COL4A1: variants seen among roughly 807,000 people sequenced by gnomAD.
COL4A1 encodes collagen alpha-1(IV) chain.
In COL4A1, 40 loss-of-function variants were observed where a neutral mutation model predicts 216.6. The observed-to-expected ratio is 0.18, with a 90% CI of 0.14 to 0.24. COL4A1 has a LOEUF of 0.24. Among genes scored for constraint, COL4A1 ranks in the 10% least tolerant of loss-of-function variants. COL4A1 has a pLI of 1.00. For synonymous variants in COL4A1, 839 were observed against 810.7 expected, an observed-to-expected ratio of 1.03 and a Z score of -0.59; for missense variants, 1,628 against 2,196.8, an observed-to-expected ratio of 0.74 and a Z score of 5.18.
intron 41 of COL4A1, among the ~76,000 whole-genome samples, 157 bp from the exon 42 acceptor site, chr13:110,170,889 C>T (rs1460041097): frequency 6.6e-6 from 1 of 152,208 alleles, no homozygotes; most frequent in Non-Finnish European, 1.5e-5. Flanking sequence ...GCAAGGGCTC[C>T]GATCCCTCCT....
intron 48 of COL4A1, 117 bp downstream of exon 48, chr13:110,162,113 G>T: frequency 2.1e-6 from 2 of 959,758 alleles, no homozygotes; most frequent in South Asian, 1.3e-5. Flanking sequence ...CCCTCATGGC[G>T]CAGTGTTTCA....
At chr13:110,278,114 C>T (rs1883495124) in intron 1 of COL4A1, among the ~76,000 whole-genome samples, 1 of 152,120 alleles carries the variant, frequency 6.6e-6, no homozygotes, top group African/African-American at 2.4e-5. Flanking sequence ...CTCGGAAGAA[C>T]TTAGTAAGTT....
intron 33 of COL4A1, among the ~76,000 whole-genome samples, chr13:110,177,604 A>T (rs557093089): frequency 2.0e-5 from 3 of 152,130 alleles, no homozygotes; most frequent in African/African-American, 7.2e-5. Flanking sequence ...CATCTGTGCC[A>T]AGAAGGAAAG....
intron 24 of COL4A1, among the ~76,000 whole-genome samples, chr13:110,190,293 A>G (rs1456566954): frequency 6.6e-6 from 1 of 152,152 alleles, no homozygotes; most frequent in East Asian, 1.9e-4. Flanking sequence ...TGAGGATTCA[A>G]CTACTGCCTG....
At chr13:110,295,247 T>C (rs953955131) in intron 1 of COL4A1, among the ~76,000 whole-genome samples, 1 of 147,052 alleles carries the variant, frequency 6.8e-6, no homozygotes, top group Non-Finnish European at 1.5e-5. Context: ...ACTACATGGT[T>C]TTCTTTCTTT....
At chr13:110,290,606 C>G (rs1884044546) in intron 1 of COL4A1, among the ~76,000 whole-genome samples, 1 of 152,168 alleles carries the variant, frequency 6.6e-6, no homozygotes, top group African/African-American at 2.4e-5. Flanking sequence ...GGGCACTCAC[C>G]CTGGAGTCAC....
intron 20 of COL4A1, among the ~76,000 whole-genome samples, chr13:110,199,807 G>A (rs1879092487): frequency 1.3e-5 from 2 of 152,210 alleles, no homozygotes; most frequent in Non-Finnish European, 1.5e-5. Context: ...ATAAAAGGCT[G>A]TAGACAGTAA....
At chr13:110,166,753 A>C (rs1223653508) in intron 44 of COL4A1, among the ~76,000 whole-genome samples, 1 of 152,224 alleles carries the variant, frequency 6.6e-6, no homozygotes, top group Non-Finnish European at 1.5e-5. Flanking sequence ...ACATGTCCCC[A>C]GTTGGACCAC....
intron 51 of COL4A1, among the ~76,000 whole-genome samples, chr13:110,150,858 A>C (rs1876470097): frequency 6.6e-6 from 1 of 152,230 alleles, no homozygotes; most frequent in Admixed American, 6.5e-5. Flanking sequence ...CTTCTCTGCA[A>C]CACTTTACAC....
intron 1 of COL4A1, among the ~76,000 whole-genome samples, chr13:110,278,406 C>A (rs945398013): frequency 6.6e-6 from 1 of 152,124 alleles, no homozygotes; most frequent in African/African-American, 2.4e-5. Flanking sequence ...GAAATACCTG[C>A]GTATTTTCCC....
At chr13:110,162,786 C>G (rs1163893046) in intron 47 of COL4A1, among the ~76,000 whole-genome samples, 1 of 152,246 alleles carries the variant, frequency 6.6e-6, no homozygotes, top group African/African-American at 2.4e-5. Context: ...TGACGTGACT[C>G]TGTGCATGTC....
chr13:110,153,710 T>C (rs1876622938), intron 50 of COL4A1, among the ~76,000 whole-genome samples: 1 of 152,222 alleles, frequency 6.6e-6, no homozygotes, highest in Non-Finnish European at 1.5e-5. Context: ...AATCTGGTGG[T>C]TGCAACATGA....
chr13:110,150,309 A>G lies in COL4A1; in HGVS notation c.*54T>C. ...ATATTTCTAGGGTTCGTTGCTGTTA[A>G]CAAAAAGAAGAAGAAGTAGCACCAT... On this transcript the variant is annotated 3_prime_UTR_variant, in exon 52 of 52. Transcript: ENST00000375820. 6.5e-7 allele frequency: 1 copy of G among 1,538,766 alleles called. No individual in the cohort carries two copies. Among genetic ancestry groups the G allele is most frequent in the Non-Finnish European group, 8.9e-7 (1 of 1,120,940 alleles).
At chr13:110,285,672 C>T (rs1165962447) in intron 1 of COL4A1, among the ~76,000 whole-genome samples, 2 of 152,108 alleles carry the variant, frequency 1.3e-5, no homozygotes, top group East Asian at 3.9e-4. Context: ...CATTGAGAGC[C>T]TGAACAAAAC....
chr13:110,235,220 C>T (rs902649975), intron 2 of COL4A1, among the ~76,000 whole-genome samples: 4 of 152,212 alleles, frequency 2.6e-5, no homozygotes, highest in African/African-American at 9.6e-5. Context: ...TTCAAAGAGT[C>T]TACACAAAAA....
intron 1 of COL4A1, among the ~76,000 whole-genome samples, chr13:110,280,326 C>T (rs1192335197): frequency 1.3e-5 from 2 of 152,196 alleles, no homozygotes; most frequent in African/African-American, 4.8e-5. Context: ...GCCTATTACC[C>T]AGCAATAGTC....
chr13:110,180,547 C>T lies in COL4A1; in HGVS notation c.2193+745G>A, dbSNP rs868816997. On this transcript the variant is annotated intron_variant, in intron 29 of 51. Coordinates refer to ENST00000375820, the MANE Select transcript of COL4A1 (RefSeq NM_001845.6). ...GTTTATCGATGGCCGTTGGCCCTTTCTCCCGTTTGGTACCAATGCCTTCTG... is the reference window on the plus strand; with the variant it reads ...GTTTATCGATGGCCGTTGGCCCTTTTTCCCGTTTGGTACCAATGCCTTCTG... 2.3e-4 allele frequency among the ~76,000 whole-genome samples: 35 copies of T among 152,392 alleles called. 1 individual carries two copies. Among genetic ancestry groups the T allele is most frequent in the Non-Finnish European group, 2.2e-4 (15 of 68,038 alleles).
At chr13:110,172,860 T>C (rs890501304) in intron 40 of COL4A1, 90 bp from the exon 41 acceptor site, 11 of 1,004,708 alleles carry the variant, frequency 1.1e-5, no homozygotes, top group Admixed American at 5.1e-5. Context: ...TCTGCAATAA[T>C]ACTACGTATA....
At chr13:110,281,816 A>G (rs1883644317) in intron 1 of COL4A1, among the ~76,000 whole-genome samples, 1 of 152,226 alleles carries the variant, frequency 6.6e-6, no homozygotes. Flanking sequence ...AAACTTACTC[A>G]ACCCATCTGT....
Sources: gnomAD v4.1 joint callset for allele counts (sites outside exome capture counted in the v4.1 genomes callset) on GRCh38, gnomAD v4.1.1 for gene constraint, MANE v1.5 for transcripts, NCBI Gene and HGNC (gene_info 2026-07-23, HGNC 2026-07-21) for gene names.